LPCAT3: variants seen among roughly 807,000 people sequenced by gnomAD.
The protein encoded by LPCAT3 is lysophosphatidylcholine acyltransferase 3, also known as lysophospholipid acyltransferase 5.
LPCAT3 carries 21 observed loss-of-function variants against 63.4 expected under a neutral mutation model. That is an observed-to-expected ratio of 0.33 (90% CI 0.23 to 0.48). LPCAT3 has a LOEUF of 0.48. LPCAT3 is among the 20% of genes least tolerant of loss of function. The pLI is 0.99. For missense variants in LPCAT3, 451 were observed against 590.6 expected (o/e 0.76, Z 2.45); for synonymous variants, 242 against 227.5 (o/e 1.06, Z -0.58).
At chr12:6,980,205 G>C (rs997494114) in intron 6 of LPCAT3, among the ~76,000 whole-genome samples, 9 of 151,982 alleles carry the variant, frequency 5.9e-5, no homozygotes, top group South Asian at 4.2e-4. Flanking sequence ...GTACCACCTT[G>C]CCTGGATAAT....
chr12:7,016,461 G>C (rs1555157622), intron 1 of LPCAT3, among the ~76,000 whole-genome samples: 1 of 152,032 alleles, frequency 6.6e-6, no homozygotes, highest in African/African-American at 2.4e-5. Flanking sequence ...ACTTTTAGGA[G>C]AGATGGGGTT....
intron 1 of LPCAT3, among the ~76,000 whole-genome samples, chr12:7,004,285 T>C (rs1196608994): frequency 6.6e-6 from 1 of 152,220 alleles, no homozygotes; most frequent in African/African-American, 2.4e-5. Flanking sequence ...AGCGGGTTAC[T>C]CTCAAACCTG....
At chr12:7,000,732 T>C (rs946890725) in intron 1 of LPCAT3, among the ~76,000 whole-genome samples, 2 of 151,946 alleles carry the variant, frequency 1.3e-5, no homozygotes, top group Non-Finnish European at 2.9e-5. Context: ...TATTCTTTTT[T>C]TGAGACGGCT....
At chr12:6,982,586 T>A in intron 3 of LPCAT3, 90 bp downstream of exon 3, 10 of 936,944 alleles carry the variant, frequency 1.1e-5, no homozygotes, top group Non-Finnish European at 1.7e-5. Flanking sequence ...AAATTAGGTC[T>A]GCTAATTTCT....
intron 1 of LPCAT3, among the ~76,000 whole-genome samples, chr12:6,984,556 C>A (rs1555154566): frequency 6.6e-6 from 1 of 152,170 alleles, no homozygotes; most frequent in Non-Finnish European, 1.5e-5. Context: ...TTGAGTTGGT[C>A]ATGGTTTATA....
At chr12:6,983,641 GA>G (rs1390536288) in intron 1 of LPCAT3, 102 bp from the exon 2 acceptor site, 311 of 578,858 alleles carry the variant, frequency 5.4e-4, no homozygotes, top group Middle Eastern at 8.6e-4. Flanking sequence ...GAGGGAGAGA[GA>G]AAAAAAAAAC....
At chr12:7,008,217 C>T (rs1325019254) in intron 1 of LPCAT3, among the ~76,000 whole-genome samples, 1 of 152,104 alleles carries the variant, frequency 6.6e-6, no homozygotes, top group African/African-American at 2.4e-5. Context: ...ATGATGTATA[C>T]AGTATCTTCT....
At chr12:6,985,310 G>A (rs1216000078) in intron 1 of LPCAT3, among the ~76,000 whole-genome samples, 1 of 149,796 alleles carries the variant, frequency 6.7e-6, no homozygotes, top group African/African-American at 2.5e-5. Context: ...GCAGGAGAAT[G>A]GCATGAACAC....
At chr12:7,008,168 C>T (rs1208902561) in intron 1 of LPCAT3, among the ~76,000 whole-genome samples, 1 of 152,012 alleles carries the variant, frequency 6.6e-6, no homozygotes, top group Non-Finnish European at 1.5e-5. Flanking sequence ...GTGTGTTACT[C>T]TCCACACCCC....
Position 6,981,068 on chromosome 12 carries a change from T to C in LPCAT3, c.613A>G (p.Met205Val), listed in dbSNP as rs1555153996. The change falls in exon 6 of 13, where the codon ATG becomes GTG. Residue 205 changes from methionine (M) to valine (V), a missense_variant. By Grantham distance (21) the Met-to-Val change is conservative. Transcript: ENST00000261407. ...TGCACCAGCTTCATGTAGTGATTCA[T>C]TGAGAACTGGGGCCCTACCAAGAAG... ...GAFLVGPQFS[M>V]NHYMKLVQGE... 3 of 1,613,220 alleles carry C rather than the reference T, an allele frequency of 1.9e-6. No homozygotes were observed. Among genetic ancestry groups the C allele is most frequent in the African/African-American group, 2.7e-5 (2 of 74,880 alleles).
At chr12:7,003,006 C>A (rs970501302) in intron 1 of LPCAT3, among the ~76,000 whole-genome samples, 88 of 151,748 alleles carry the variant, frequency 5.8e-4, no homozygotes, top group African/African-American at 1.9e-3. Context: ...GAAACTCCAT[C>A]TCAAAAAAAG....
chr12:7,003,069 C>T (rs1946700481), intron 1 of LPCAT3, among the ~76,000 whole-genome samples: 1 of 152,088 alleles, frequency 6.6e-6, no homozygotes, highest in South Asian at 2.1e-4. Flanking sequence ...TACCAACATA[C>T]ATTTGTAGCA....
At chr12:7,005,918 T>C (rs1463266977) in intron 1 of LPCAT3, among the ~76,000 whole-genome samples, 1 of 152,246 alleles carries the variant, frequency 6.6e-6, no homozygotes, top group Non-Finnish European at 1.5e-5. Flanking sequence ...TTAATTTTGA[T>C]GAAGTCCAAT....
At chr12:7,014,533 C>T (rs1946784929) in intron 1 of LPCAT3, among the ~76,000 whole-genome samples, 1 of 152,182 alleles carries the variant, frequency 6.6e-6, no homozygotes, top group Non-Finnish European at 1.5e-5. Flanking sequence ...GCTCAAAATA[C>T]TCCAGTGCAG....
intron 1 of LPCAT3, among the ~76,000 whole-genome samples, chr12:7,012,536 G>T (rs1946770092): frequency 6.6e-6 from 1 of 152,144 alleles, no homozygotes; most frequent in Non-Finnish European, 1.5e-5. Flanking sequence ...CTTAATAAAT[G>T]CCAGCTATTA....
intron 2 of LPCAT3, chr12:6,983,144 G>A: frequency 2.1e-6 from 1 of 476,126 alleles, no homozygotes; most frequent in Non-Finnish European, 3.9e-6. Context: ...AGTGGGGACT[G>A]CTTGGCTCGG....
At position 6,977,826 on chromosome 12, in the gene LPCAT3, AGGATT is replaced by A. The variant is rs1946425395; in HGVS notation, c.1041-86_1041-82del. 3 of 1,557,552 alleles carry A rather than the reference AGGATT, an allele frequency of 1.9e-6. No homozygotes were observed. The highest frequency in any genetic ancestry group is 1.8e-6 in the Non-Finnish European group (2 of 1,136,564). On this transcript the variant is annotated intron_variant, in intron 9 of 12. Transcript: ENST00000261407. The surrounding 1 kb of genome is among the most constrained non-coding windows in gnomAD (Gnocchi z 4.5). ...CACCTGCCTCTGGGTCCTCACCCTGAGGATTGGATTGGAGTGCTGGTGGGTTCCCA... is the reference window on the plus strand; with the variant it reads ...CACCTGCCTCTGGGTCCTCACCCTGAGGATTGGAGTGCTGGTGGGTTCCCA...
At chr12:6,985,173 T>C (rs7977677) in intron 1 of LPCAT3, among the ~76,000 whole-genome samples, 18,132 of 145,762 alleles carry the variant, frequency 0.12, 1,725 homozygotes, top group African/African-American at 0.27. Context: ...GGGCGGATCA[T>C]GAGGACAGGA....
intron 1 of LPCAT3, among the ~76,000 whole-genome samples, chr12:7,003,027 T>A (rs184676321): frequency 0.041 from 6,225 of 151,804 alleles, 402 homozygotes; most frequent in African/African-American, 0.14. Flanking sequence ...AAAAAAAAAA[T>A]TTCTAATATT....
Sources: gnomAD v4.1 joint callset for allele counts (sites outside exome capture counted in the v4.1 genomes callset) on GRCh38, gnomAD v4.1.1 for gene constraint, Gnocchi (gnomAD v3.1) non-coding constraint, MANE v1.5 for transcripts, NCBI Gene and HGNC (gene_info 2026-07-23, HGNC 2026-07-21) for gene names.